Variants in CFAP221 observed in about 807,000 individuals in gnomAD.
The protein encoded by CFAP221 is cilia and flagella associated protein 221.
In CFAP221, 97 loss-of-function variants were observed where a neutral mutation model predicts 113.1. The observed-to-expected ratio is 0.86, with a 90% CI of 0.73 to 1.02. The LOEUF (loss-of-function observed/expected upper bound fraction) is 1.02. Ranked by LOEUF, CFAP221 falls within the 50% of genes least tolerant of loss-of-function variation. The probability of loss-of-function intolerance (pLI) is 0.00; values close to 1 mark genes in which losing one functional copy is unlikely to be tolerated. For synonymous variants in CFAP221, 331 were observed against 354.4 expected (o/e 0.93, Z 0.74); for missense variants, 1,025 against 1,013.4 (o/e 1.01, Z -0.16).
intron 19 of CFAP221, among the ~76,000 whole-genome samples, chr2:119,636,696 A>G (rs1252866003): frequency 6.6e-6 from 1 of 152,198 alleles, no homozygotes; most frequent in African/African-American, 2.4e-5. Context: ...GGGCCTGGGA[A>G]CAGGAAGGGC....
chr2:119,553,654 C>G (rs938316943), intron 3 of CFAP221, among the ~76,000 whole-genome samples: 1 of 152,160 alleles, frequency 6.6e-6, no homozygotes, highest in Non-Finnish European at 1.5e-5. Context: ...TTCCTTTGTC[C>G]TCCCAAGAAT....
intron 14 of CFAP221, among the ~76,000 whole-genome samples, chr2:119,621,813 G>T (rs1427089323): frequency 6.6e-6 from 1 of 152,142 alleles, no homozygotes. Flanking sequence ...AATGAAGACA[G>T]AAATAAATAA....
At chr2:119,566,506 C>G (rs1681638329) in intron 6 of CFAP221, among the ~76,000 whole-genome samples, 1 of 152,216 alleles carries the variant, frequency 6.6e-6, no homozygotes, top group African/African-American at 2.4e-5. Context: ...CTATCCTACT[C>G]TGTGCTGACT....
At chr2:119,647,295 C>T (rs563367255) in intron 22 of CFAP221, among the ~76,000 whole-genome samples, 1 of 152,220 alleles carries the variant, frequency 6.6e-6, no homozygotes, top group African/African-American at 2.4e-5. Flanking sequence ...AGGGAGAGAT[C>T]TGAGGTGGTG....
intron 10 of CFAP221, 46 bp downstream of exon 10, chr2:119,605,033 AAG>A (rs1394532695): frequency 6.4e-7 from 1 of 1,564,898 alleles, no homozygotes; most frequent in Non-Finnish European, 8.8e-7. Flanking sequence ...CAGAATATGA[AAG>A]AGTCATTGCT....
intron 1 of CFAP221, among the ~76,000 whole-genome samples, chr2:119,544,951 T>C (rs1679946419): frequency 6.7e-6 from 1 of 150,144 alleles, no homozygotes; most frequent in South Asian, 2.1e-4. Flanking sequence ...AGGCTGATCC[T>C]AGGGCTGGCG....
chr2:119,566,793 A>G (rs1358197909), intron 6 of CFAP221, among the ~76,000 whole-genome samples: 1 of 151,176 alleles, frequency 6.6e-6, no homozygotes, highest in Admixed American at 6.6e-5. Flanking sequence ...TCTACTTGTC[A>G]TGATGTCTTT....
intron 3 of CFAP221, 138 bp downstream of exon 3, chr2:119,549,323 A>T (rs78688756): frequency 1.5e-6 from 1 of 663,828 alleles, no homozygotes; most frequent in Non-Finnish European, 2.4e-6. Flanking sequence ...AGGTAGTTCT[A>T]TGATGAGAAA....
intron 7 of CFAP221, among the ~76,000 whole-genome samples, chr2:119,596,999 TC>T (rs1684028241): frequency 2.6e-5 from 4 of 152,254 alleles, no homozygotes; most frequent in Admixed American, 2.6e-4. Flanking sequence ...AATTGCCTCT[TC>T]CTGTGTAAGA....
At chr2:119,546,502 C>T (rs1451572736) in intron 2 of CFAP221, among the ~76,000 whole-genome samples, 1 of 152,164 alleles carries the variant, frequency 6.6e-6, no homozygotes, top group Non-Finnish European at 1.5e-5. Flanking sequence ...CTTCTAATGT[C>T]TTTCCTATCT....
intron 22 of CFAP221, 82 bp from the exon 23 acceptor site, chr2:119,651,892 C>T (rs1179240168): frequency 3.5e-5 from 39 of 1,106,228 alleles, no homozygotes; most frequent in Non-Finnish European, 5.1e-5. Context: ...TTGCATAACT[C>T]CTAAATGATC....
At chr2:119,627,019 C>G (rs949925159) in intron 15 of CFAP221, among the ~76,000 whole-genome samples, 32 of 151,874 alleles carry the variant, frequency 2.1e-4, no homozygotes, top group African/African-American at 7.3e-4. Flanking sequence ...CTTCTGGGAG[C>G]CCAAACACCA....
rs148596401 is a variant in CFAP221, at chr2:119,630,809, A to G, written c.1882A>G (p.Thr628Ala). ...CACAGCCCTTCCGAAACAGGACTCC[A>G]CAACTCAGCTCTCTGGCAAAACATC... ...TITALPKQDS[T>A]TQLSGKTSVL... The change falls in exon 19 of 24, where the codon ACA becomes GCA. Residue 628 changes from threonine to alanine, a missense_variant. Thr to Ala is a moderately conservative substitution (Grantham distance 58). Transcript: ENST00000413369. 8.7e-6 allele frequency: 14 copies of G among 1,613,808 alleles called. No homozygotes were observed. In the African/African-American group the frequency reaches 1.7e-4, roughly 20 times the overall value.
At chr2:119,607,903 C>G (rs184156847) in intron 11 of CFAP221, among the ~76,000 whole-genome samples, 9 of 152,312 alleles carry the variant, frequency 5.9e-5, no homozygotes. Context: ...CTTGTTCATT[C>G]ATCAGTTACT....
At chr2:119,605,090 T>C (rs1456949799) in intron 10 of CFAP221, 91 bp from the exon 11 acceptor site, 1 of 1,455,446 alleles carries the variant, frequency 6.9e-7, no homozygotes, top group Non-Finnish European at 9.6e-7. Flanking sequence ...GTTAGATTGC[T>C]GTTATGCCTC....
downstream of CFAP221, among the ~76,000 whole-genome samples, chr2:119,659,212 G>A (rs576512713): frequency 2.0e-5 from 3 of 152,212 alleles, no homozygotes; most frequent in South Asian, 2.1e-4. Context: ...ATCTCCTTGC[G>A]AGAAACACAT....
chr2:119,559,156 C>T (rs572525722), intron 3 of CFAP221, among the ~76,000 whole-genome samples: 13 of 152,354 alleles, frequency 8.5e-5, no homozygotes, highest in African/African-American at 2.9e-4. Context: ...GGATGGCCTT[C>T]TCCTGTCACT....
chr2:119,647,559 T>C (rs1687885530), intron 22 of CFAP221, among the ~76,000 whole-genome samples: 1 of 152,164 alleles, frequency 6.6e-6, no homozygotes, highest in African/African-American at 2.4e-5. Context: ...CCTGTGCCCT[T>C]GTCCCAGGGC....
intron 6 of CFAP221, among the ~76,000 whole-genome samples, chr2:119,565,939 C>T (rs930778078): frequency 7.2e-5 from 11 of 152,164 alleles, no homozygotes; most frequent in South Asian, 2.1e-4. Flanking sequence ...TTCATTCAGT[C>T]GGTTAACAAA....
Sources: allele counts gnomAD v4.1 joint callset (sites outside exome capture counted in the v4.1 genomes callset), GRCh38; gene constraint gnomAD v4.1.1; transcripts MANE v1.5; gene names NCBI Gene and HGNC (gene_info 2026-07-23, HGNC 2026-07-21).